ZNF233: variants seen among roughly 807,000 people sequenced by gnomAD.
ZNF233 encodes zinc finger protein 233.
A neutral mutation model predicts 11.6 loss-of-function variants in ZNF233; 7 were observed. The ratio of observed to expected loss-of-function variants is 0.60; its 90% CI spans 0.34 to 1.13. ZNF233 has a LOEUF of 1.13. Ranked by LOEUF, ZNF233 falls within the 50% of genes most tolerant of loss-of-function variation. The pLI, the probability that ZNF233 is intolerant of heterozygous loss-of-function variation, is 0.03. For missense variants in ZNF233, 711 were observed against 785.5 expected, an observed-to-expected ratio of 0.91 and a Z score of 1.13; for synonymous variants, 226 against 268.5, an observed-to-expected ratio of 0.84 and a Z score of 1.55.
At chr19:44,265,697 GGCGTGA>G (rs1975063106) in intron 2 of ZNF233, among the ~76,000 whole-genome samples, 1 of 152,222 alleles carries the variant, frequency 6.6e-6, no homozygotes, top group Admixed American at 6.5e-5. Flanking sequence ...TGGGATTACA[GGCGTGA>G]GCCACTGCGG....
intron 4 of ZNF233, among the ~76,000 whole-genome samples, chr19:44,269,578 G>A (rs1242196162): frequency 6.6e-6 from 1 of 152,140 alleles, no homozygotes; most frequent in African/African-American, 2.4e-5. Flanking sequence ...ACAGGCATGA[G>A]CCACTGCTCC....
chr19:44,272,340 C>CA (rs34243089), intron 4 of ZNF233, among the ~76,000 whole-genome samples: 1,267 of 88,514 alleles, frequency 0.014, 26 homozygotes, highest in African/African-American at 0.034. Context: ...CCTGCAGTCT[C>CA]AAAAAAAAAA....
chr19:44,265,366 T>TATATATATAC (rs1402228992), intron 2 of ZNF233, among the ~76,000 whole-genome samples: 2 of 133,194 alleles, frequency 1.5e-5, no homozygotes, highest in South Asian at 2.3e-4. Context: ...CATATATATA[T>TATATATATAC]ACACACACAC....
rs1230061065 is a variant in ZNF233, at chr19:44,274,482, C to T, written c.1822C>T (p.His608Tyr). 2.5e-6 allele frequency: 4 copies of T among 1,613,982 alleles called. No homozygotes were observed. Among genetic ancestry groups the T allele is most frequent in the Non-Finnish European group, 3.4e-6 (4 of 1,179,964 alleles). Residue 608 changes from histidine to tyrosine, a missense_variant, in exon 5 of 5, where the codon CAT becomes TAT. By Grantham distance (83) the His-to-Tyr change is moderately conservative. Transcript: ENST00000683810. ...RKGFIWNSYL[H>Y]VHQRIHTGEK... ...AGGCTTCATCTGGAACTCATATCTT[C>T]ATGTTCATCAGAGGATCCACACGGG... is the stretch of plus-strand genomic sequence containing the variant.
chr19:44,271,398 T>A (rs1975232081), intron 4 of ZNF233, among the ~76,000 whole-genome samples: 1 of 152,188 alleles, frequency 6.6e-6, no homozygotes, highest in African/African-American at 2.4e-5. Context: ...TTGTAACCAT[T>A]TTTGGGCTTT....
intron 4 of ZNF233, among the ~76,000 whole-genome samples, chr19:44,271,848 A>C (rs1975246476): frequency 6.6e-6 from 1 of 152,102 alleles, no homozygotes; most frequent in Non-Finnish European, 1.5e-5. Flanking sequence ...CTTATGGACA[A>C]GGAGGTAAAG....
chr19:44,264,256 G>A (rs1975007312), intron 1 of ZNF233, 58 bp from the exon 2 acceptor site: 2 of 1,180,748 alleles, frequency 1.7e-6, no homozygotes, highest in Admixed American at 3.6e-5. Context: ...TAAAAATTCA[G>A]CCAGCACAGC....
In ZNF233 at chr19:44,274,743, C is replaced by A; in HGVS notation, c.*70C>A. The A allele has an allele frequency of 8.2e-7, 1 of 1,219,668 alleles. No individual in the cohort carries two copies. The highest frequency in any genetic ancestry group is 1.5e-5 in the African/African-American group (1 of 65,008). The allele number at this position is 1,219,668 out of a possible 1,614,324, so 75.6% of individuals were successfully genotyped here. ...TTCAAGACTTAGACTTCCCATTTTC[C>A]TCAGAAAATCCACACAGCACAGAAT... is the stretch of plus-strand genomic sequence containing the variant. On this transcript the variant is annotated 3_prime_UTR_variant, in exon 5 of 5. Transcript: ENST00000683810.
chr19:44,265,669 C>T (rs1482605140), intron 2 of ZNF233, among the ~76,000 whole-genome samples: 3 of 152,246 alleles, frequency 2.0e-5, no homozygotes, highest in African/African-American at 7.2e-5. Flanking sequence ...GTTCACCCAC[C>T]TCGGCCTCCC....
In ZNF233 at chr19:44,273,943, G is replaced by A. The variant is rs757205048; in HGVS notation, c.1283G>A (p.Trp428Ter). ...RGHSRDKTYK[W>*]EVSDRIFNRN... is the part of the protein sequence containing the mutation. ...CACTCTAGAGACAAGACATACAAAT[G>A]GGAAGTAAGTGACAGGATATTTAAT... The change falls in exon 5 of 5, where the codon TGG (tryptophan) becomes TAG (stop). Residue 428 changes from tryptophan (W) to a stop codon, truncating the protein, a stop_gained. Coordinates refer to ENST00000683810, the MANE Select transcript of ZNF233 (RefSeq NM_001207005.2). LOFTEE classifies it low-confidence loss of function (END_TRUNC). 7.4e-6 allele frequency: 12 copies of A among 1,613,850 alleles called. No individual in the cohort carries two copies. In the East Asian group the frequency reaches 1.3e-4, roughly 18 times the overall value.
chr19:44,268,264 A>G (rs1975146354), intron 4 of ZNF233: 1 of 152,334 alleles, frequency 6.6e-6, no homozygotes, highest in Non-Finnish European at 1.5e-5. Flanking sequence ...TTCATGTATT[A>G]CATTTTGTTT....
At chr19:44,271,659 G>GC (rs761778192) in intron 4 of ZNF233, among the ~76,000 whole-genome samples, 36 of 151,908 alleles carry the variant, frequency 2.4e-4, no homozygotes, top group Non-Finnish European at 4.0e-4. Context: ...ACAGGCGCCT[G>GC]CCCCCATGCC....
At chr19:44,262,888 T>G (rs982503737) in intron 1 of ZNF233, among the ~76,000 whole-genome samples, 3 of 152,146 alleles carry the variant, frequency 2.0e-5, no homozygotes, top group East Asian at 1.9e-4. Flanking sequence ...ACCCTCCAAC[T>G]TCCCCTTCTC....
In ZNF233 at chr19:44,273,458, C is replaced by CTTAA; in HGVS notation, c.799_802dup (p.Ser268IlefsTer6). ...AAACCTCTGATGAAAATGGAAAAGG[C>CTTAA]TTAAGTGTTGGCTCTAATCTTGAAC... On this transcript the variant is annotated frameshift_variant, in exon 5 of 5. Transcript: ENST00000683810. LOFTEE classifies it low-confidence loss of function (END_TRUNC). The CTTAA allele has an allele frequency of 6.2e-7, 1 of 1,614,220 alleles. No homozygotes were observed. The highest frequency in any genetic ancestry group is 8.5e-7 in the Non-Finnish European group (1 of 1,180,046).
chr19:44,266,210 T>C lies in ZNF233; in HGVS notation c.28T>C (p.Phe10Leu). Residue 10 changes from phenylalanine to leucine, a missense_variant, in exon 3 of 5, where the codon TTC becomes CTC. Phe to Leu is a conservative substitution (Grantham distance 22). Transcript: ENST00000683810. MTKFQEMVTFKDVAVVFTRE... is the reference protein window; with the variant it reads MTKFQEMVTLKDVAVVFTRE... ...CTTGATGTTGTAGGAGATGGTGACATTCAAGGATGTGGCTGTGGTCTTCAC... is the reference window on the plus strand; with the variant it reads ...CTTGATGTTGTAGGAGATGGTGACACTCAAGGATGTGGCTGTGGTCTTCAC... The C allele has an allele frequency of 6.2e-7, 1 of 1,609,798 alleles. No homozygotes were observed. The highest frequency in any genetic ancestry group is 8.5e-7 in the Non-Finnish European group (1 of 1,177,762).
At chr19:44,270,474 T>C (rs1334142141) in intron 4 of ZNF233, among the ~76,000 whole-genome samples, 2 of 151,634 alleles carry the variant, frequency 1.3e-5, no homozygotes, top group African/African-American at 4.8e-5. Context: ...TGAGCTGATA[T>C]CATACCATTG....
Position 44,274,671 on chromosome 19 carries a change from T to C in ZNF233, c.2011T>C (p.Ter671ArgextTer2). ...GTCTTCAGATTCATCAGAGAGTCCATGATGGTGATGAATCTATTAATCATG... is the reference window on the plus strand; with the variant it reads ...GTCTTCAGATTCATCAGAGAGTCCACGATGGTGATGAATCTATTAATCATG... ...SLSSDSSESP[*>R] is the part of the protein sequence containing the mutation. The change falls in exon 5 of 5, where the codon TGA becomes CGA. Residue 671 changes from the stop codon to arginine (R), a stop_lost. Transcript: ENST00000683810. 1 of 1,585,654 alleles carries C rather than the reference T, an allele frequency of 6.3e-7. No homozygotes were observed. Among genetic ancestry groups the C allele is most frequent in the South Asian group, 1.2e-5 (1 of 86,834 alleles).
rs774291447 is a variant in ZNF233, at chr19:44,259,908, C to T, written c.-78C>T. 6.6e-6 allele frequency: 3 copies of T among 456,184 alleles called. No homozygotes were observed. The highest frequency in any genetic ancestry group is 3.1e-5 in the South Asian group (2 of 64,488). The allele number at this position is 456,184 out of a possible 1,614,324, so 28.3% of individuals were successfully genotyped here. A position where few individuals can be genotyped will look rare whatever the true frequency, so the allele number is the denominator to read the frequency against. On this transcript the variant is annotated 5_prime_UTR_variant, in exon 1 of 5. Transcript: ENST00000683810. ...CTTGTGTACTTCCGCTGCAGGAGGG[C>T]GAAGCAGCCGTCATCTATCCCCTCT... is the stretch of plus-strand genomic sequence containing the variant.
At chr19:44,266,169 A>T (rs765947976) in intron 2 of ZNF233, 29 bp from the exon 3 acceptor site, 3 of 1,588,300 alleles carry the variant, frequency 1.9e-6, no homozygotes, top group South Asian at 1.1e-5. Flanking sequence ...TGGCCATAAG[A>T]TTGAGATTAC....
Sources: gnomAD v4.1 joint callset for allele counts (sites outside exome capture counted in the v4.1 genomes callset) on GRCh38, gnomAD v4.1.1 for gene constraint, MANE v1.5 for transcripts, NCBI Gene and HGNC (gene_info 2026-07-23, HGNC 2026-07-21) for gene names.